The following RANBP2 variants were observed in gnomAD, a reference collection of about 807,000 sequenced individuals.
RANBP2 encodes the protein E3 SUMO-protein ligase RanBP2.
RANBP2 carries 57 observed loss-of-function variants against 303.6 expected under a neutral mutation model. The ratio of observed to expected loss-of-function variants is 0.19; its 90% CI spans 0.15 to 0.23. The LOEUF (loss-of-function observed/expected upper bound fraction) is 0.23. Among genes scored for constraint, RANBP2 ranks in the 10% least tolerant of loss-of-function variants. The pLI is 1.00. For missense variants in RANBP2, 3,138 were observed against 3,780.8 expected (o/e 0.83, Z 4.46); for synonymous variants, 1,167 against 1,301.5 (o/e 0.90, Z 2.23).
chr2:109,069,572 T>C, the RANBP2 span, among the ~76,000 whole-genome samples: 1 of 152,256 alleles, frequency 6.6e-6, no homozygotes, highest in Non-Finnish European at 1.5e-5. Flanking sequence ...GTGAGTGGCA[T>C]GGCCTGGCCA....
chr2:109,516,667 G>A, the RANBP2 span, among the ~76,000 whole-genome samples: 3 of 152,236 alleles, frequency 2.0e-5, no homozygotes, highest in African/African-American at 4.8e-5. Context: ...CCTCTCGCAG[G>A]AGCCCCCAGC....
the RANBP2 span, among the ~76,000 whole-genome samples, chr2:108,925,516 C>T: frequency 2.0e-5 from 3 of 152,298 alleles, no homozygotes; most frequent in Admixed American, 2.0e-4. Flanking sequence ...GCACGAGGCA[C>T]CTTCTGTCAC....
the RANBP2 span, among the ~76,000 whole-genome samples, chr2:109,134,778 C>A: frequency 6.6e-6 from 1 of 152,184 alleles, no homozygotes; most frequent in African/African-American, 2.4e-5. Context: ...GTGGCCACCC[C>A]TTCCATTCAC....
At chr2:109,606,501 T>C in the RANBP2 span, among the ~76,000 whole-genome samples, 1 of 152,182 alleles carries the variant, frequency 6.6e-6, no homozygotes, top group African/African-American at 2.4e-5. Flanking sequence ...TAGCATTCAA[T>C]TACCATAGTG....
the RANBP2 span, among the ~76,000 whole-genome samples, chr2:108,845,389 G>T: frequency 6.6e-6 from 1 of 151,982 alleles, no homozygotes; most frequent in Non-Finnish European, 1.5e-5. Context: ...CACATTGCAG[G>T]ATCAATACTG....
the RANBP2 span, among the ~76,000 whole-genome samples, chr2:108,792,357 A>G: frequency 2.0e-5 from 3 of 152,254 alleles, no homozygotes; most frequent in African/African-American, 7.2e-5. Flanking sequence ...CATTTGAGGA[A>G]GATGAAAAAT....
chr2:109,278,967 A>AT, the RANBP2 span, among the ~76,000 whole-genome samples: 1 of 152,186 alleles, frequency 6.6e-6, no homozygotes, highest in African/African-American at 2.4e-5. Flanking sequence ...GAAGACACAG[A>AT]TTTTAGACTT....
chr2:109,321,306 A>G, the RANBP2 span, among the ~76,000 whole-genome samples: 1 of 152,222 alleles, frequency 6.6e-6, no homozygotes, highest in African/African-American at 2.4e-5. Context: ...AATTTAGTAA[A>G]TTGGTAGAGC....
At chr2:108,838,282 A>C in the RANBP2 span, among the ~76,000 whole-genome samples, 1 of 152,192 alleles carries the variant, frequency 6.6e-6, no homozygotes, top group Non-Finnish European at 1.5e-5. Context: ...CCCAACTGGA[A>C]AGGTTTTTTA....
the RANBP2 span, among the ~76,000 whole-genome samples, chr2:108,805,747 A>C: frequency 2.6e-5 from 4 of 152,258 alleles, no homozygotes; most frequent in African/African-American, 9.6e-5. Flanking sequence ...ATTGTAATTT[A>C]GATTAATATA....
the RANBP2 span, among the ~76,000 whole-genome samples, chr2:109,227,802 C>A: frequency 6.6e-6 from 1 of 152,244 alleles, no homozygotes; most frequent in African/African-American, 2.4e-5. Context: ...GGAGTCAACA[C>A]TTCCTTTCCC....
At chr2:109,539,622 T>C in the RANBP2 span, among the ~76,000 whole-genome samples, 3 of 152,116 alleles carry the variant, frequency 2.0e-5, no homozygotes, top group Admixed American at 2.0e-4. Context: ...TTTTGTATTT[T>C]TACTAGAGAC....
chr2:108,942,765 C>A, the RANBP2 span, among the ~76,000 whole-genome samples: 1 of 152,258 alleles, frequency 6.6e-6, no homozygotes, highest in Non-Finnish European at 1.5e-5. Flanking sequence ...TGGACTCTCA[C>A]GAAGGTTCGT....
the RANBP2 span, among the ~76,000 whole-genome samples, chr2:109,322,616 G>A: frequency 2.0e-5 from 3 of 152,170 alleles, no homozygotes; most frequent in East Asian, 5.8e-4. Flanking sequence ...TGCAGTAGTC[G>A]CCAGTCAAAT....
chr2:108,813,129 G>GT, the RANBP2 span, among the ~76,000 whole-genome samples: 2 of 150,164 alleles, frequency 1.3e-5, no homozygotes, highest in South Asian at 4.2e-4. Flanking sequence ...CACGCCTGTA[G>GT]TCCCAGCTAC....
At chr2:109,293,720 G>C in the RANBP2 span, among the ~76,000 whole-genome samples, 1 of 152,226 alleles carries the variant, frequency 6.6e-6, no homozygotes, top group East Asian at 1.9e-4. Context: ...CATGTTGGCT[G>C]TCAGCCTTCC....
At chr2:109,625,046 A>C in the RANBP2 span, among the ~76,000 whole-genome samples, 1 of 144,640 alleles carries the variant, frequency 6.9e-6, no homozygotes, top group African/African-American at 2.6e-5. Flanking sequence ...GCACCACTGC[A>C]CTCCAGCCCT....
At chr2:109,479,066 G>A in the RANBP2 span, among the ~76,000 whole-genome samples, 4 of 152,182 alleles carry the variant, frequency 2.6e-5, no homozygotes, top group African/African-American at 9.7e-5. Context: ...ACTGCTGGCT[G>A]GAACCTTGGC....
the RANBP2 span, among the ~76,000 whole-genome samples, chr2:109,679,047 T>G: frequency 6.6e-6 from 1 of 152,188 alleles, no homozygotes; most frequent in Non-Finnish European, 1.5e-5. Flanking sequence ...TGAATGAAGG[T>G]TCTCTAACAA....
Sources: gnomAD v4.1 joint callset for allele counts (sites outside exome capture counted in the v4.1 genomes callset) on GRCh38, gnomAD v4.1.1 for gene constraint, MANE v1.5 for transcripts, NCBI Gene and HGNC (gene_info 2026-07-23, HGNC 2026-07-21) for gene names.